The following PXT1 variants were observed in gnomAD, a reference collection of about 807,000 sequenced individuals.
PXT1 encodes the protein peroxisomal testis enriched protein 1.
In PXT1, 11 loss-of-function variants were observed where a neutral mutation model predicts 11.0. The observed-to-expected ratio is 1.00, with a 90% CI of 0.63 to 1.66. The LOEUF (loss-of-function observed/expected upper bound fraction) is 1.66, where lower values mean the gene tolerates loss of function less well. Ranked by LOEUF, PXT1 falls within the 40% of genes most tolerant of loss-of-function variation. The pLI, the probability that PXT1 is intolerant of heterozygous loss-of-function variation, is 0.00. For synonymous variants in PXT1, 43 were observed against 51.4 expected (o/e 0.84, Z 0.70); for missense variants, 141 against 155.5 (o/e 0.91, Z 0.49).
chr6:36,414,147 A>C (rs866799373), intron 3 of PXT1, among the ~76,000 whole-genome samples: 5 of 108,384 alleles, frequency 4.6e-5, no homozygotes, highest in South Asian at 5.7e-4. Flanking sequence ...AAATAGAGTA[A>C]GACTAAATTA....
chr6:36,413,492 G>A (rs541869805), intron 3 of PXT1, among the ~76,000 whole-genome samples: 1 of 152,086 alleles, frequency 6.6e-6, no homozygotes, highest in South Asian at 2.1e-4. Flanking sequence ...TTCACCCTTT[G>A]AACATACTGA....
chr6:36,407,981 G>A (rs898214119), intron 3 of PXT1, among the ~76,000 whole-genome samples: 12 of 143,906 alleles, frequency 8.3e-5, no homozygotes, highest in African/African-American at 3.1e-4. Flanking sequence ...TTGAGATGGA[G>A]TATTGAGTAT....
intron 2 of PXT1, among the ~76,000 whole-genome samples, chr6:36,437,552 C>T (rs186368520): frequency 0.018 from 2,588 of 143,964 alleles, 37 homozygotes; most frequent in Non-Finnish European, 0.028. Flanking sequence ...CTTGCTCTGT[C>T]GCCCAGGCTG....
At chr6:36,427,189 G>C (rs1322003636) in intron 2 of PXT1, among the ~76,000 whole-genome samples, 2 of 151,714 alleles carry the variant, frequency 1.3e-5, no homozygotes, top group Admixed American at 6.6e-5. Context: ...TTTTAGTAGA[G>C]ACGGGGTTTC....
chr6:36,392,941 C>A (rs1774090397), intron 4 of PXT1: 1 of 152,052 alleles, frequency 6.6e-6, no homozygotes, highest in South Asian at 2.1e-4. Context: ...CAAGGCCCTA[C>A]CTAATCTGCC....
intron 4 of PXT1, among the ~76,000 whole-genome samples, chr6:36,396,000 AAAAC>A (rs746007081): frequency 1.4e-3 from 220 of 152,318 alleles, no homozygotes; most frequent in Middle Eastern, 6.8e-3. Context: ...CCTGTCTCAA[AAAAC>A]AAACAAACAA....
chr6:36,391,831 A>G lies in PXT1; in HGVS notation c.344T>C (p.Phe115Ser), dbSNP rs529987315. The change falls in exon 5 of 5, where the codon TTC (phenylalanine) becomes TCC (serine). Residue 115 changes from phenylalanine to serine, a missense_variant. Physicochemically the swap from Phe to Ser is radical, Grantham distance 155 (BLOSUM62 -2). Transcript: ENST00000454782. ...CACCTGAACTCTTCTAAAGAAAAAG[A>G]AGACAAAATGATCTAGTGCATCTCT... ...DGRDALDHFV[F>S]FFFRRVQVLL... 16 of 1,614,028 alleles carry G rather than the reference A, an allele frequency of 9.9e-6. No individual in the cohort carries two copies. In the African/African-American group the frequency reaches 1.9e-4, roughly 19 times the overall value.
chr6:36,404,603 T>A (rs565477746), intron 3 of PXT1, among the ~76,000 whole-genome samples: 24 of 151,690 alleles, frequency 1.6e-4, no homozygotes, highest in African/African-American at 5.1e-4. Context: ...ATTACAGGTG[T>A]GCACCACCGT....
intron 3 of PXT1, among the ~76,000 whole-genome samples, chr6:36,419,930 G>A (rs1378863688): frequency 6.6e-6 from 1 of 152,234 alleles, no homozygotes; most frequent in Non-Finnish European, 1.5e-5. Flanking sequence ...TGTGGGAAGA[G>A]AGGGCCAGGG....
chr6:36,414,158 A>AG (rs1774415019), intron 3 of PXT1, among the ~76,000 whole-genome samples: 1 of 65,666 alleles, frequency 1.5e-5, no homozygotes, highest in African/African-American at 5.1e-5. Flanking sequence ...GACTAAATTA[A>AG]GAAGAAAAAA....
intron 3 of PXT1, among the ~76,000 whole-genome samples, chr6:36,416,446 T>C (rs2127414394): frequency 1.3e-5 from 2 of 152,262 alleles, no homozygotes; most frequent in Admixed American, 1.3e-4. Context: ...GAAAAATATG[T>C]ATTTGACCTT....
At position 36,413,835 on chromosome 6, in the gene PXT1, A is replaced by C. The variant is rs548652068; in HGVS notation, c.169+12079T>G. Reference sequence around the variant, plus strand: ...AATATAGTGAGACTCCCATCTGTACAAAAAAATTTAAAAATTAGCCAGATG... The same window carrying C: ...AATATAGTGAGACTCCCATCTGTACCAAAAAATTTAAAAATTAGCCAGATG... On this transcript the variant is annotated intron_variant, in intron 3 of 4. Coordinates refer to ENST00000454782, the MANE Select transcript of PXT1 (RefSeq NM_152990.4). Among the ~76,000 whole-genome samples the C allele has an allele frequency of 2.6e-5, 4 of 152,120 alleles. No homozygotes were observed. In the South Asian group the frequency reaches 8.3e-4, roughly 32 times the overall value.
rs1400221554 is a variant in PXT1 at position 36,390,654 on chromosome 6, A to T, written c.*1116T>A. The T allele has an allele frequency of 1.3e-5, 2 of 152,246 alleles. No homozygotes were observed. Among genetic ancestry groups the T allele is most frequent in the African/African-American group, 4.8e-5 (2 of 41,470 alleles). 9.4% of individuals were successfully genotyped at this position (152,246 alleles called of 1,614,324 possible). The stretch of plus-strand genomic sequence containing the variant: ...AGATACATATGTAAACTTTTAATTT[A>T]TAACAACAAGCTTTCCTAATATTTA... On this transcript the variant is annotated 3_prime_UTR_variant, in exon 5 of 5. Coordinates refer to ENST00000454782, the MANE Select transcript of PXT1 (RefSeq NM_152990.4).
intron 2 of PXT1, among the ~76,000 whole-genome samples, chr6:36,428,938 G>A (rs771168800): frequency 3.3e-5 from 5 of 151,894 alleles, no homozygotes; most frequent in Non-Finnish European, 7.4e-5. Flanking sequence ...TTACACGCAT[G>A]AGCCACCGCG....
chr6:36,442,511 A>G (rs1032829586), intron 1 of PXT1, 24 bp downstream of exon 1: 7 of 152,156 alleles, frequency 4.6e-5, no homozygotes, highest in Non-Finnish European at 8.8e-5. Flanking sequence ...AAAATTTGTA[A>G]TACACCTTTG....
chr6:36,432,296 T>C (rs1184162618), intron 2 of PXT1, among the ~76,000 whole-genome samples: 1 of 151,982 alleles, frequency 6.6e-6, no homozygotes, highest in African/African-American at 2.4e-5. Context: ...CCAAAGGTAG[T>C]AAAGAATTCA....
At chr6:36,426,834 G>C (rs1346752387) in intron 2 of PXT1, among the ~76,000 whole-genome samples, 3 of 52,610 alleles carry the variant, frequency 5.7e-5, no homozygotes, top group African/African-American at 3.0e-4. Context: ...ATTTCCTCAT[G>C]TGTGTGTGTG....
At chr6:36,419,301 A>G (rs1029824235) in intron 3 of PXT1, among the ~76,000 whole-genome samples, 1 of 152,224 alleles carries the variant, frequency 6.6e-6, no homozygotes, top group African/African-American at 2.4e-5. Flanking sequence ...AGAATAACTA[A>G]TCATAACTAA....
chr6:36,412,831 C>T (rs6457914), intron 3 of PXT1, among the ~76,000 whole-genome samples: 70,537 of 150,726 alleles, frequency 0.47, 17,005 homozygotes, highest in Middle Eastern at 0.59. Flanking sequence ...AAAGAAAAAT[C>T]CTAGAACAAA....
Sources: gnomAD v4.1 joint callset for allele counts (sites outside exome capture counted in the v4.1 genomes callset) on GRCh38, gnomAD v4.1.1 for gene constraint, MANE v1.5 for transcripts, NCBI Gene and HGNC (gene_info 2026-07-23, HGNC 2026-07-21) for gene names.